The following RBM20 variants were observed in gnomAD, a reference collection of about 807,000 sequenced individuals.
The protein encoded by RBM20 is RNA binding motif protein 20.
Under a neutral mutation model 110.1 loss-of-function variants are expected in RBM20, and 51 were observed. The observed-to-expected ratio is 0.46, with a 90% CI of 0.37 to 0.59. RBM20 has a LOEUF of 0.59. Among genes scored for constraint, RBM20 ranks in the 20% least tolerant of loss-of-function variants. The pLI is 0.00. For missense variants in RBM20, 1,512 were observed against 1,574.9 expected (o/e 0.96, Z 0.68); for synonymous variants, 589 against 618.2 (o/e 0.95, Z 0.70).
intron 1 of RBM20, among the ~76,000 whole-genome samples, chr10:110,653,785 G>A (rs1206425538): frequency 6.6e-6 from 1 of 152,096 alleles, no homozygotes; most frequent in African/African-American, 2.4e-5. Flanking sequence ...CGAACTCCTG[G>A]ACTTGAGCAA....
At chr10:110,752,548 A>G (rs1440766035) in intron 1 of RBM20, among the ~76,000 whole-genome samples, 1 of 152,208 alleles carries the variant, frequency 6.6e-6, no homozygotes, top group East Asian at 1.9e-4. Flanking sequence ...TGGATTTTTG[A>G]TCTGCTAAAC....
At chr10:110,663,131 A>AT (rs1250397080) in intron 1 of RBM20, among the ~76,000 whole-genome samples, 10 of 151,724 alleles carry the variant, frequency 6.6e-5, no homozygotes, top group Non-Finnish European at 1.5e-4. Context: ...CACCCAGCTA[A>AT]TTTTTTTGTA....
chr10:110,810,260 C>A, intron 7 of RBM20, 123 bp from the exon 8 acceptor site: 5 of 702,232 alleles, frequency 7.1e-6, no homozygotes, highest in Non-Finnish European at 1.3e-5. Flanking sequence ...TTTTGTCTTC[C>A]CCACACAAGG....
At chr10:110,754,812 C>T (rs888859984) in intron 1 of RBM20, among the ~76,000 whole-genome samples, 8 of 152,140 alleles carry the variant, frequency 5.3e-5, no homozygotes, top group Non-Finnish European at 1.0e-4. Context: ...GTGTCCAGGT[C>T]GGTTTCTGCT....
intron 12 of RBM20, among the ~76,000 whole-genome samples, chr10:110,825,048 T>A (rs552994716): frequency 6.9e-4 from 105 of 151,896 alleles, no homozygotes; most frequent in African/African-American, 2.2e-3. Context: ...AAACTTCCTT[T>A]TTTTTTTAAG....
intron 1 of RBM20, among the ~76,000 whole-genome samples, chr10:110,724,242 G>A (rs137960085): frequency 2.6e-5 from 4 of 152,314 alleles, no homozygotes; most frequent in African/African-American, 9.6e-5. Context: ...CAAAACTGAT[G>A]CTGTGATGCT....
chr10:110,676,286 C>T (rs957818419), intron 1 of RBM20, among the ~76,000 whole-genome samples: 1 of 152,188 alleles, frequency 6.6e-6, no homozygotes, highest in African/African-American at 2.4e-5. Context: ...TGCTGGTTCC[C>T]ACTTCCTGAC....
At chr10:110,687,974 G>A (rs1425407039) in intron 1 of RBM20, among the ~76,000 whole-genome samples, 1 of 150,954 alleles carries the variant, frequency 6.6e-6, no homozygotes, top group African/African-American at 2.4e-5. Flanking sequence ...TCTGGGTCAT[G>A]AGTGCTACTC....
At chr10:110,680,334 T>C (rs1862405215) in intron 1 of RBM20, among the ~76,000 whole-genome samples, 2 of 152,164 alleles carry the variant, frequency 1.3e-5, no homozygotes, top group Admixed American at 1.3e-4. Flanking sequence ...CAGGGCTGTT[T>C]TCCCTGTCTG....
intron 1 of RBM20, among the ~76,000 whole-genome samples, chr10:110,694,936 A>G (rs984511229): frequency 2.6e-5 from 4 of 152,216 alleles, no homozygotes; most frequent in African/African-American, 7.2e-5. Flanking sequence ...ATAGCAAGTC[A>G]GGAAAGATAT....
chr10:110,660,136 A>C (rs1258488515), intron 1 of RBM20, among the ~76,000 whole-genome samples: 3 of 152,104 alleles, frequency 2.0e-5, no homozygotes, highest in African/African-American at 7.2e-5. Flanking sequence ...TTTCTAAAAT[A>C]ACACAAATCA....
At chr10:110,753,790 CTT>C (rs1032939518) in intron 1 of RBM20, among the ~76,000 whole-genome samples, 4 of 152,222 alleles carry the variant, frequency 2.6e-5, no homozygotes, top group Admixed American at 2.6e-4. Flanking sequence ...AGGGGGGAAT[CTT>C]TTCTTTTCCC....
chr10:110,821,587 A>G lies in RBM20; in HGVS notation c.2968A>G (p.Ser990Gly), dbSNP rs1353948871. The G allele has an allele frequency of 2.6e-6, 4 of 1,550,816 alleles. No individual in the cohort carries two copies. In the East Asian group the frequency reaches 9.8e-5, roughly 38 times the overall value. Reference protein sequence around the residue: ...SPRELPSASTSCPSDMDVEMP... With the variant: ...SPRELPSASTGCPSDMDVEMP... ...CAGAGAACTGCCCTCTGCTTCCACA[A>G]GCTGTCCCAGTGACATGGACGTGGA... Residue 990 changes from serine to glycine, a missense_variant, in exon 11 of 14, where the codon AGC becomes GGC. Coordinates refer to ENST00000369519, the MANE Select transcript of RBM20 (RefSeq NM_001134363.3).
chr10:110,754,686 T>C (rs1843900165), intron 1 of RBM20, among the ~76,000 whole-genome samples: 1 of 152,258 alleles, frequency 6.6e-6, no homozygotes, highest in South Asian at 2.1e-4. Context: ...GTTTGATTCT[T>C]TTCCAAATCT....
At chr10:110,822,011 C>A in intron 11 of RBM20, 76 bp downstream of exon 11, 2 of 1,379,180 alleles carry the variant, frequency 1.5e-6, no homozygotes, top group Non-Finnish European at 2.0e-6. Context: ...TGAGCATGTG[C>A]AGGCTGGAAT....
chr10:110,681,690 A>G (rs1423509436), intron 1 of RBM20, among the ~76,000 whole-genome samples: 2 of 152,186 alleles, frequency 1.3e-5, no homozygotes, highest in Non-Finnish European at 2.9e-5. Context: ...AAAATTTGCA[A>G]AAATAGTGCA....
chr10:110,741,044 G>A (rs192472684), intron 1 of RBM20, among the ~76,000 whole-genome samples: 78 of 152,162 alleles, frequency 5.1e-4, no homozygotes, highest in African/African-American at 1.5e-3. Context: ...ACTTCCTGAC[G>A]ATTCAAGATG....
At chr10:110,830,713 A>G (rs1167906410) in intron 12 of RBM20, among the ~76,000 whole-genome samples, 2 of 152,246 alleles carry the variant, frequency 1.3e-5, no homozygotes, top group Admixed American at 1.3e-4. Flanking sequence ...GAAATCCAAC[A>G]AGTGAAATAT....
intron 13 of RBM20, among the ~76,000 whole-genome samples, chr10:110,832,239 C>T (rs1422424748): frequency 6.6e-6 from 1 of 152,180 alleles, no homozygotes; most frequent in Non-Finnish European, 1.5e-5. Context: ...GAAGACACCT[C>T]CTGTTTTTAC....
Sources: allele counts gnomAD v4.1 joint callset (sites outside exome capture counted in the v4.1 genomes callset), GRCh38; gene constraint gnomAD v4.1.1; transcripts MANE v1.5; gene names NCBI Gene and HGNC (gene_info 2026-07-23, HGNC 2026-07-21).